The following DMD variants were observed in gnomAD, a reference collection of about 807,000 sequenced individuals.
DMD encodes the protein dystrophin, also known as mutant dystrophin.
DMD carries 63 observed loss-of-function variants against 330.1 expected under a neutral mutation model. The observed-to-expected ratio is 0.19, with a 90% CI of 0.16 to 0.24. The LOEUF is 0.24. Ranked by LOEUF, DMD falls within the 10% of genes least tolerant of loss-of-function variation. The pLI, the probability that DMD is intolerant of heterozygous loss-of-function variation, is 1.00. For missense variants in DMD, 3,344 were observed against 2,684.1 expected (o/e 1.25, Z -5.43); for synonymous variants, 1,223 against 959.8 (o/e 1.27, Z -5.07).
chrX:32,261,715 G>A (rs1251024531), intron 43 of DMD, among the ~76,000 whole-genome samples: 1 of 111,722 alleles, frequency 9.0e-6, no homozygotes, highest in African/African-American at 3.2e-5. Context: ...TGAATGGCTG[G>A]CCCGAGAAAA....
chrX:32,979,792 G>T (rs2092654038), intron 2 of DMD, among the ~76,000 whole-genome samples: 1 of 111,345 alleles, frequency 9.0e-6, no homozygotes, highest in African/African-American at 3.3e-5. Context: ...TGTGGGTTTG[G>T]GTCCTTTAGA....
intron 44 of DMD, among the ~76,000 whole-genome samples, chrX:32,043,186 T>TA (rs2050716711): frequency 9.0e-6 from 1 of 111,358 alleles, no homozygotes; most frequent in Admixed American, 9.5e-5. Flanking sequence ...CTCACAAAGA[T>TA]AAAAAACCCA....
At chrX:32,310,578 G>A (rs1047882883) in intron 41 of DMD, among the ~76,000 whole-genome samples, 1 of 111,175 alleles carries the variant, frequency 9.0e-6, no homozygotes, top group Non-Finnish European at 1.9e-5. Context: ...AGAAAAAGAC[G>A]ATTTTTGCAA....
chrX:31,266,878 C>T, intron 62 of DMD: 1 of 1,195,866 alleles, frequency 8.4e-7, no homozygotes, highest in Non-Finnish European at 1.1e-6. Flanking sequence ...GAGGAGTGAG[C>T]TTCCCAGAGC....
chrX:32,453,748 A>G (rs757196508), intron 26 of DMD, among the ~76,000 whole-genome samples: 1 of 110,938 alleles, frequency 9.0e-6, no homozygotes, highest in Admixed American at 9.6e-5. Context: ...ACCCCAATTT[A>G]TACAGTTGGC....
intron 77 of DMD, among the ~76,000 whole-genome samples, chrX:31,126,940 A>G (rs1006239987): frequency 1.8e-5 from 2 of 111,720 alleles, no homozygotes; most frequent in Admixed American, 1.9e-4. Context: ...CATAGAGTTC[A>G]CGCATTAAAC....
intron 2 of DMD, among the ~76,000 whole-genome samples, chrX:32,991,326 C>A (rs1419335891): frequency 1.8e-5 from 2 of 111,044 alleles, no homozygotes; most frequent in African/African-American, 6.5e-5. Flanking sequence ...GGAGCATAAA[C>A]AATACACGCT....
chrX:33,007,279 G>A (rs1286396651), intron 2 of DMD, among the ~76,000 whole-genome samples: 1 of 110,535 alleles, frequency 9.0e-6, no homozygotes, highest in East Asian at 2.8e-4. Context: ...CAGTCACTCT[G>A]CACCAGCCAT....
At chrX:32,471,459 C>T (rs1052710122) in intron 22 of DMD, among the ~76,000 whole-genome samples, 11 of 111,526 alleles carry the variant, frequency 9.9e-5, no homozygotes, top group African/African-American at 2.9e-4. Flanking sequence ...ATAAATATAG[C>T]CAGCCCTCCA....
chrX:31,227,961 C>T (rs1224090893), intron 63 of DMD, among the ~76,000 whole-genome samples: 3 of 108,571 alleles, frequency 2.8e-5, no homozygotes, highest in East Asian at 5.8e-4. Flanking sequence ...TTTGTAGGGA[C>T]ATGGATGAAA....
intron 44 of DMD, among the ~76,000 whole-genome samples, chrX:32,033,652 A>G (rs200526308): frequency 1.8e-3 from 64 of 35,171 alleles, no homozygotes; most frequent in African/African-American, 6.3e-3. Context: ...AAAGAAAGAA[A>G]GAAGAAAGAA....
chrX:32,718,094 T>G (rs1380649383), intron 7 of DMD, among the ~76,000 whole-genome samples: 1 of 111,102 alleles, frequency 9.0e-6, no homozygotes, highest in Non-Finnish European at 1.9e-5. Context: ...GTTAAGACTT[T>G]GGGGAACTGT....
chrX:31,700,492 T>A (rs2083735311), intron 52 of DMD, among the ~76,000 whole-genome samples: 1 of 111,816 alleles, frequency 8.9e-6, no homozygotes, highest in African/African-American at 3.3e-5. Flanking sequence ...GAAAATGAGT[T>A]AACCTTCTAA....
intron 57 of DMD, among the ~76,000 whole-genome samples, chrX:31,488,580 C>T (rs1472900184): frequency 1.8e-5 from 2 of 111,936 alleles, no homozygotes; most frequent in African/African-American, 3.2e-5. Flanking sequence ...AAGCCATTGA[C>T]CTCAGAATTT....
At chrX:32,190,198 T>C (rs894745816) in intron 44 of DMD, among the ~76,000 whole-genome samples, 1 of 110,915 alleles carries the variant, frequency 9.0e-6, no homozygotes, top group East Asian at 2.8e-4. Flanking sequence ...AACAAAGATG[T>C]ATTTGGCTCA....
At chrX:31,257,363 G>A (rs1394637213) in intron 63 of DMD, among the ~76,000 whole-genome samples, 2 of 108,106 alleles carry the variant, frequency 1.9e-5, no homozygotes, top group Non-Finnish European at 3.8e-5. Flanking sequence ...GGGGCTAGAT[G>A]TGGTCTTAAA....
chrX:33,059,211 C>T (rs1246366654), intron 1 of DMD, among the ~76,000 whole-genome samples: 2 of 111,539 alleles, frequency 1.8e-5, no homozygotes, highest in African/African-American at 3.3e-5. Flanking sequence ...TAACCACTTA[C>T]ACACTAATGG....
intron 38 of DMD, among the ~76,000 whole-genome samples, chrX:32,346,291 G>A (rs776178054): frequency 7.2e-5 from 8 of 111,394 alleles, no homozygotes; most frequent in African/African-American, 2.6e-4. Context: ...TAGTTGTAAA[G>A]AACACATTTT....
intron 47 of DMD, among the ~76,000 whole-genome samples, chrX:31,887,695 T>G (rs1230977389): frequency 8.9e-6 from 1 of 112,102 alleles, no homozygotes; most frequent in Non-Finnish European, 1.9e-5. Context: ...CCTGGGCTAC[T>G]TCATTAGACA....
Sources: gnomAD v4.1 joint callset for allele counts (sites outside exome capture counted in the v4.1 genomes callset) on GRCh38, gnomAD v4.1.1 for gene constraint, MANE v1.5 for transcripts, NCBI Gene and HGNC (gene_info 2026-07-23, HGNC 2026-07-21) for gene names.